LATS2: variants seen among roughly 807,000 people sequenced by gnomAD.
LATS2 encodes the protein serine/threonine-protein kinase LATS2.
LATS2 carries 24 observed loss-of-function variants against 76.0 expected under a neutral mutation model. That is an observed-to-expected ratio of 0.32 (90% confidence interval 0.23 to 0.44). The LOEUF is 0.44. Among genes scored for constraint, LATS2 ranks in the 20% least tolerant of loss-of-function variants. The pLI, the probability that LATS2 is intolerant of heterozygous loss-of-function variation, is 1.00. For synonymous variants in LATS2, 692 were observed against 635.4 expected, an observed-to-expected ratio of 1.09 and a Z score of -1.34; for missense variants, 1,286 against 1,481.2, an observed-to-expected ratio of 0.87 and a Z score of 2.16.
At chr13:21,009,737 A>G (rs966484615) in intron 2 of LATS2, among the ~76,000 whole-genome samples, 4 of 152,184 alleles carry the variant, frequency 2.6e-5, no homozygotes, top group Non-Finnish European at 5.9e-5. Context: ...ACAGACGACA[A>G]TACACCAAGT....
intron 5 of LATS2, among the ~76,000 whole-genome samples, 163 bp downstream of exon 5, chr13:20,983,061 C>A (rs1869970534): frequency 6.6e-6 from 1 of 150,644 alleles, no homozygotes; most frequent in Non-Finnish European, 1.5e-5. Flanking sequence ...TCACACTATT[C>A]CTTTTGGAAG....
Position 20,973,593 on chromosome 13 carries a change from A to G in LATS2, c.*1277T>C, listed in dbSNP as rs1869438774. ...ATACGTATGGCTTACTTTTTATTTCAATGTCATTTTGAAGAATCTTTGCTT... is the reference window on the plus strand; with the variant it reads ...ATACGTATGGCTTACTTTTTATTTCGATGTCATTTTGAAGAATCTTTGCTT... On this transcript the variant is annotated 3_prime_UTR_variant, in exon 8 of 8. Coordinates refer to ENST00000382592, the MANE Select transcript of LATS2 (RefSeq NM_014572.3). 8.6e-6 allele frequency: 2 copies of G among 232,282 alleles called. No homozygotes were observed. The highest frequency in any genetic ancestry group is 6.1e-5 in the East Asian group (1 of 16,312). The allele number at this position is 232,282 out of a possible 1,614,324, so 14.4% of individuals were successfully genotyped here.
At chr13:21,050,950 C>T (rs1391193710) in intron 1 of LATS2, among the ~76,000 whole-genome samples, 4 of 152,162 alleles carry the variant, frequency 2.6e-5, no homozygotes, top group Non-Finnish European at 1.5e-5. Context: ...TGAGGGGGGG[C>T]AGGAAAAGGC....
At chr13:21,057,126 C>T (rs1873474165) in intron 1 of LATS2, among the ~76,000 whole-genome samples, 1 of 152,128 alleles carries the variant, frequency 6.6e-6, no homozygotes, top group Non-Finnish European at 1.5e-5. Flanking sequence ...AAACAGAGGC[C>T]CACTCCTTTC....
intron 2 of LATS2, among the ~76,000 whole-genome samples, chr13:21,004,302 T>C (rs61519421): frequency 0.027 from 4,162 of 151,998 alleles, 186 homozygotes; most frequent in African/African-American, 0.095. Context: ...GGCATGGTGG[T>C]GCATACCTGT....
intron 6 of LATS2, 43 bp downstream of exon 6, chr13:20,981,423 G>A (rs532079424): frequency 6.4e-7 from 1 of 1,570,744 alleles, no homozygotes; most frequent in Non-Finnish European, 8.7e-7. Context: ...ACGTCTGAAG[G>A]GAAGGAGACC....
At chr13:21,022,229 T>G (rs1872093798) in intron 2 of LATS2, among the ~76,000 whole-genome samples, 1 of 151,546 alleles carries the variant, frequency 6.6e-6, no homozygotes, top group African/African-American at 2.4e-5. Context: ...TGTGCATGCA[T>G]GTGTGCCTAT....
At position 20,975,332 on chromosome 13, in the gene LATS2, T is replaced by C. The variant is rs148084153; in HGVS notation, c.2805A>G (p.Pro935=). Residue 935 remains proline, a synonymous_variant, in exon 8 of 8, where the codon CCA becomes CCG. Transcript: ENST00000382592. ...CCTCAGGGCTCAGCTTCACCTGGGC[T>C]GGAATGTGGAGCGTGTTCTCCCAGT... is the stretch of plus-strand genomic sequence containing the variant. ...VINWENTLHI[P]AQVKLSPEAR... 3 of 1,587,244 alleles carry C rather than the reference T, an allele frequency of 1.9e-6. No homozygotes were observed. The highest frequency in any genetic ancestry group is 1.4e-5 in the African/African-American group (1 of 73,838).
At chr13:20,998,166 G>T (rs1870840778) in intron 2 of LATS2, among the ~76,000 whole-genome samples, 1 of 152,044 alleles carries the variant, frequency 6.6e-6, no homozygotes, top group Admixed American at 6.5e-5. Context: ...TTCAAGACCA[G>T]CCTGGGCAAG....
intron 1 of LATS2, among the ~76,000 whole-genome samples, chr13:21,055,158 G>T (rs1873410809): frequency 6.6e-6 from 1 of 152,124 alleles, no homozygotes; most frequent in African/African-American, 2.4e-5. Context: ...ACTTTTGAAA[G>T]AATTTTCATG....
chr13:21,011,988 G>A (rs1442243140), intron 2 of LATS2, among the ~76,000 whole-genome samples: 1 of 152,172 alleles, frequency 6.6e-6, no homozygotes, highest in Non-Finnish European at 1.5e-5. Flanking sequence ...ACCATACAGA[G>A]GGAGAATGTG....
At chr13:20,992,371 G>T (rs113731784) in intron 2 of LATS2, among the ~76,000 whole-genome samples, 12 of 152,304 alleles carry the variant, frequency 7.9e-5, no homozygotes, top group African/African-American at 2.9e-4. Flanking sequence ...GGTCAGGCTG[G>T]GGGCGGCTGT....
At chr13:21,060,050 C>G (rs1873577196) in intron 1 of LATS2, among the ~76,000 whole-genome samples, 1 of 152,232 alleles carries the variant, frequency 6.6e-6, no homozygotes. Context: ...CATCCAAAGG[C>G]CTCAGAACAG....
chr13:21,023,160 C>T (rs1015779634), intron 2 of LATS2: 1 of 151,816 alleles, frequency 6.6e-6, no homozygotes, highest in African/African-American at 2.4e-5. Context: ...CTCCGGGCTC[C>T]GAGGGCTCCG....
At chr13:21,056,152 G>C (rs926565257) in intron 1 of LATS2, among the ~76,000 whole-genome samples, 7 of 152,068 alleles carry the variant, frequency 4.6e-5, no homozygotes, top group South Asian at 4.1e-4. Context: ...TTTTTGGTGG[G>C]GGGGGCAGGG....
chr13:21,045,672 G>C lies in LATS2; in HGVS notation c.342+13C>G. 6.2e-7 allele frequency: 1 copy of C among 1,606,232 alleles called. No individual in the cohort carries two copies. The highest frequency in any genetic ancestry group is 8.5e-7 in the Non-Finnish European group (1 of 1,175,338). On this transcript the variant is annotated intron_variant, in intron 2 of 7. Transcript: ENST00000382592. ...CTGCCTCTGCACATGGCCCTGCAGA[G>C]GTCTGTACCCACCTGGTCGCATCCT...
At chr13:20,987,159 C>T (rs945634125) in intron 4 of LATS2, among the ~76,000 whole-genome samples, 5 of 152,042 alleles carry the variant, frequency 3.3e-5, no homozygotes, top group East Asian at 1.9e-4. Flanking sequence ...CGCGCCATTG[C>T]GCTCCAGCCT....
intron 2 of LATS2, among the ~76,000 whole-genome samples, chr13:21,002,606 G>C (rs547070864): frequency 6.6e-6 from 1 of 152,036 alleles, no homozygotes; most frequent in East Asian, 1.9e-4. Flanking sequence ...TGGAACTCCT[G>C]AGCTCAAGCA....
intron 2 of LATS2, among the ~76,000 whole-genome samples, chr13:21,043,476 G>A (rs1277133234): frequency 4.6e-5 from 7 of 151,990 alleles, no homozygotes; most frequent in African/African-American, 1.5e-4. Flanking sequence ...TTTTCTGAAC[G>A]CAAATACATT....
Sources: gnomAD v4.1 joint callset for allele counts (sites outside exome capture counted in the v4.1 genomes callset) on GRCh38, gnomAD v4.1.1 for gene constraint, MANE v1.5 for transcripts, NCBI Gene and HGNC (gene_info 2026-07-23, HGNC 2026-07-21) for gene names.